SLC9A9: variants seen among roughly 807,000 people sequenced by gnomAD.
SLC9A9 encodes the protein solute carrier family 9 member A9, also known as sodium/hydrogen exchanger 9.
A neutral mutation model predicts 77.8 loss-of-function variants in SLC9A9; 62 were observed. The ratio of observed to expected loss-of-function variants is 0.80; its 90% CI spans 0.65 to 0.98. The LOEUF (loss-of-function observed/expected upper bound fraction) is 0.98. SLC9A9 is among the 50% of genes least tolerant of loss of function. The probability of loss-of-function intolerance (pLI) is 0.00; values close to 1 mark genes in which losing one functional copy is unlikely to be tolerated. For synonymous variants in SLC9A9, 320 were observed against 283.5 expected (o/e 1.13, Z -1.29); for missense variants, 775 against 774.9 (o/e 1.00, Z 0.00).
At chr3:143,271,415 A>T (rs1195126270) in intron 14 of SLC9A9, among the ~76,000 whole-genome samples, 1 of 152,254 alleles carries the variant, frequency 6.6e-6, no homozygotes, top group African/African-American at 2.4e-5. Flanking sequence ...TTTGTTGTGA[A>T]TATTGACTGA....
chr3:143,744,357 C>T (rs554194905), intron 4 of SLC9A9, among the ~76,000 whole-genome samples: 2 of 152,248 alleles, frequency 1.3e-5, no homozygotes, highest in South Asian at 4.1e-4. Flanking sequence ...CCTCGTGGTG[C>T]CTCTTGATTG....
intron 5 of SLC9A9, among the ~76,000 whole-genome samples, chr3:143,687,607 C>T (rs143855280): frequency 1.5e-3 from 235 of 151,994 alleles, no homozygotes; most frequent in African/African-American, 5.2e-3. Context: ...TTTCATTTTC[C>T]CTAAAATAAA....
At chr3:143,401,173 A>G (rs2033847760) in intron 12 of SLC9A9, among the ~76,000 whole-genome samples, 1 of 152,104 alleles carries the variant, frequency 6.6e-6, no homozygotes, top group Admixed American at 6.6e-5. Flanking sequence ...GAGAGAGGAG[A>G]GTGAGACAGG....
intron 9 of SLC9A9, among the ~76,000 whole-genome samples, chr3:143,512,401 A>G (rs1417171591): frequency 1.3e-5 from 2 of 152,238 alleles, no homozygotes; most frequent in Non-Finnish European, 2.9e-5. Context: ...TATATCAAAA[A>G]GAGAATACTT....
chr3:143,834,622 A>G (rs888149822), intron 1 of SLC9A9, among the ~76,000 whole-genome samples: 3 of 150,426 alleles, frequency 2.0e-5, no homozygotes, highest in Non-Finnish European at 4.4e-5. Context: ...ACAACAAGAA[A>G]TAAACATGAA....
chr3:143,706,646 G>C (rs7625330), intron 4 of SLC9A9, among the ~76,000 whole-genome samples: 1 of 152,050 alleles, frequency 6.6e-6, no homozygotes, highest in East Asian at 1.9e-4. Context: ...TGAAGACTGC[G>C]GATTGCCTGG....
chr3:143,326,259 G>A (rs1359902445), intron 14 of SLC9A9, among the ~76,000 whole-genome samples: 3 of 152,038 alleles, frequency 2.0e-5, no homozygotes, highest in Non-Finnish European at 2.9e-5. Flanking sequence ...CACTACACTT[G>A]CTTTCCTGCA....
intron 4 of SLC9A9, among the ~76,000 whole-genome samples, chr3:143,785,698 C>CGT (rs1376222103): frequency 2.0e-5 from 3 of 151,548 alleles, no homozygotes; most frequent in Non-Finnish European, 4.4e-5. Context: ...TGTGTGTGAG[C>CGT]GTGTGTGTGT....
intron 9 of SLC9A9, chr3:143,503,297 A>C: frequency 3.5e-6 from 1 of 284,532 alleles, no homozygotes; most frequent in Non-Finnish European, 6.9e-6. Context: ...GTGGACCATA[A>C]GGCCTCCCAC....
At chr3:143,605,061 G>T (rs750172354) in intron 6 of SLC9A9, among the ~76,000 whole-genome samples, 6 of 152,010 alleles carry the variant, frequency 3.9e-5, no homozygotes, top group Non-Finnish European at 8.8e-5. Flanking sequence ...AAACCACATG[G>T]AGCGCATTAT....
At chr3:143,593,737 C>A (rs1370103308) in intron 6 of SLC9A9, among the ~76,000 whole-genome samples, 2 of 152,132 alleles carry the variant, frequency 1.3e-5, no homozygotes, top group Non-Finnish European at 1.5e-5. Context: ...TCATGAAAAG[C>A]CTACCTTATC....
intron 14 of SLC9A9, among the ~76,000 whole-genome samples, chr3:143,352,138 G>A (rs550928543): frequency 6.6e-6 from 1 of 152,152 alleles, no homozygotes; most frequent in Non-Finnish European, 1.5e-5. Context: ...CTGCTCTTGG[G>A]CATTCCAGGC....
rs34220725 is a variant in SLC9A9 at position 143,266,411 on chromosome 3, C to CT, written c.*290dup. ...GAAATGCCCTGAAGACCCAGCACAG[C>CT]TGTCCCATCCTCCAGCAGCTAGACT... On this transcript the variant is annotated 3_prime_UTR_variant, in exon 16 of 16. Coordinates refer to ENST00000316549, the MANE Select transcript of SLC9A9 (RefSeq NM_173653.4). 2.0e-5 allele frequency: 11 copies of CT among 550,620 alleles called. No homozygotes were observed. Among genetic ancestry groups the CT allele is most frequent in the Non-Finnish European group, 3.6e-5 (11 of 307,772 alleles). The allele number at this position is 550,620 out of a possible 1,614,324, so 34.1% of individuals were successfully genotyped here.
intron 6 of SLC9A9, among the ~76,000 whole-genome samples, chr3:143,648,321 A>G (rs1353143556): frequency 6.6e-6 from 1 of 151,928 alleles, no homozygotes; most frequent in Non-Finnish European, 1.5e-5. Context: ...GGATTGGGGG[A>G]GGGGATGGCT....
chr3:143,804,408 T>C (rs892344198), intron 2 of SLC9A9, among the ~76,000 whole-genome samples: 3 of 152,104 alleles, frequency 2.0e-5, no homozygotes, highest in Non-Finnish European at 4.4e-5. Context: ...TCCTACACCA[T>C]GAAAATCAAA....
intron 9 of SLC9A9, among the ~76,000 whole-genome samples, chr3:143,532,066 T>TTTATTTATGTTATGTTATGTTATGTTATG (rs1169002429): frequency 1.3e-5 from 2 of 152,234 alleles, no homozygotes; most frequent in Non-Finnish European, 2.9e-5. Context: ...GAAAGTGTGA[T>TTTATTTATGTTATGTTATGTTATGTTATG]TTATGTTAAC....
intron 9 of SLC9A9, among the ~76,000 whole-genome samples, chr3:143,540,843 T>C (rs1183883733): frequency 6.6e-6 from 1 of 152,216 alleles, no homozygotes; most frequent in Admixed American, 6.5e-5. Context: ...ATATGTTCAG[T>C]GCCTGACACA....
At chr3:143,845,021 G>T (rs114955740) in intron 1 of SLC9A9, among the ~76,000 whole-genome samples, 2,858 of 152,110 alleles carry the variant, frequency 0.019, 85 homozygotes, top group African/African-American at 0.063. Context: ...CTGGAAAAGA[G>T]AATCTGGCTA....
At chr3:143,738,503 T>C (rs545976188) in intron 4 of SLC9A9, among the ~76,000 whole-genome samples, 1 of 152,302 alleles carries the variant, frequency 6.6e-6, no homozygotes, top group African/African-American at 2.4e-5. Flanking sequence ...TATAGTTAAA[T>C]AATAATATTA....
Sources: allele counts gnomAD v4.1 joint callset (sites outside exome capture counted in the v4.1 genomes callset), GRCh38; gene constraint gnomAD v4.1.1; transcripts MANE v1.5; gene names NCBI Gene and HGNC (gene_info 2026-07-23, HGNC 2026-07-21).